The following ARID5B variants were observed in gnomAD, a reference collection of about 807,000 sequenced individuals.
ARID5B encodes AT-rich interaction domain 5B, also known as AT-rich interactive domain-containing protein 5B.
In ARID5B, 13 loss-of-function variants were observed where a neutral mutation model predicts 97.2. The ratio of observed to expected loss-of-function variants is 0.13; its 90% CI spans 0.09 to 0.21. The LOEUF is 0.21. Among genes scored for constraint, ARID5B ranks in the 10% least tolerant of loss-of-function variants. The pLI is 1.00. For missense variants in ARID5B, 1,210 were observed against 1,465.3 expected (o/e 0.83, Z 2.84); for synonymous variants, 556 against 570.3 (o/e 0.97, Z 0.36).
intron 4 of ARID5B, among the ~76,000 whole-genome samples, chr10:62,016,763 A>T (rs546262101): frequency 6.6e-6 from 1 of 152,278 alleles, no homozygotes; most frequent in African/African-American, 2.4e-5. Context: ...CTCTGATACT[A>T]TTTTCAACTC....
chr10:61,996,093 T>C (rs1589251167), intron 3 of ARID5B, among the ~76,000 whole-genome samples: 1 of 152,144 alleles, frequency 6.6e-6, no homozygotes, highest in Non-Finnish European at 1.5e-5. Flanking sequence ...TGGCAACACA[T>C]AGAGTTGGGA....
rs1275497609 is a variant in ARID5B at position 62,000,092 on chromosome 10, GGAGGAC to G, written c.510_515del (p.Asp170_Glu171del). On this transcript the variant is annotated inframe_deletion and splice_region_variant, in exon 4 of 10. Transcript: ENST00000279873. This position sits in a 1 kb window ranked among gnomAD's most constrained non-coding sequence, Gnocchi z 4.4. ...GGAAGTGTTTTCTCGTTTGTCTAGG[GGAGGAC>G]GAGGAAGAAACGAACGTGATAGTTC... 1.9e-6 allele frequency: 3 copies of G among 1,613,864 alleles called. No individual in the cohort carries two copies. The highest frequency in any genetic ancestry group is 2.5e-6 in the Non-Finnish European group (3 of 1,179,806).
chr10:62,004,301 G>C (rs1339201201), intron 4 of ARID5B, among the ~76,000 whole-genome samples: 1 of 152,120 alleles, frequency 6.6e-6, no homozygotes, highest in South Asian at 2.1e-4. Flanking sequence ...CTTCAGTCTC[G>C]ACATTCTGCT....
chr10:61,992,045 A>G (rs1305886565), intron 3 of ARID5B, among the ~76,000 whole-genome samples: 2 of 152,080 alleles, frequency 1.3e-5, no homozygotes, highest in Non-Finnish European at 2.9e-5. Flanking sequence ...AAAAAAAAAA[A>G]GTGAATGGCT....
chr10:61,956,177 T>C (rs559593107), intron 3 of ARID5B, among the ~76,000 whole-genome samples: 38 of 152,254 alleles, frequency 2.5e-4, no homozygotes, highest in East Asian at 7.7e-4. Context: ...AGAAAGTGAG[T>C]AGCCTGCCTG....
At chr10:61,927,992 C>A (rs958581230) in intron 2 of ARID5B, among the ~76,000 whole-genome samples, 1 of 152,114 alleles carries the variant, frequency 6.6e-6, no homozygotes, top group Non-Finnish European at 1.5e-5. Flanking sequence ...GTGGGGTTTA[C>A]TCATAGAGGT....
At chr10:61,943,396 T>C (rs1044507633) in intron 3 of ARID5B, among the ~76,000 whole-genome samples, 1 of 152,182 alleles carries the variant, frequency 6.6e-6, no homozygotes, top group African/African-American at 2.4e-5. Flanking sequence ...TATTAGGTTT[T>C]TCCTTCTGTA....
chr10:62,071,236 A>T (rs921471839), intron 8 of ARID5B, among the ~76,000 whole-genome samples: 3 of 151,962 alleles, frequency 2.0e-5, no homozygotes, highest in Non-Finnish European at 2.9e-5. Flanking sequence ...GGGTTTCACC[A>T]TGTTGGCCAG....
intron 5 of ARID5B, among the ~76,000 whole-genome samples, chr10:62,052,293 C>T (rs1454484855): frequency 6.6e-6 from 1 of 152,230 alleles, no homozygotes; most frequent in Non-Finnish European, 1.5e-5. Context: ...AGCCCTAGAA[C>T]TATCTACCTA....
At chr10:62,057,004 C>T (rs1839864866) in intron 5 of ARID5B, 113 bp from the exon 6 acceptor site, 11 of 928,684 alleles carry the variant, frequency 1.2e-5, no homozygotes, top group Admixed American at 2.8e-5. Flanking sequence ...GATAATTTAC[C>T]GGTTCACCCT....
chr10:62,085,918 A>G lies in ARID5B; in HGVS notation c.1398+18A>G. The stretch of plus-strand genomic sequence containing the variant: ...CAGCAGAGGTGAGTTGCTTTGCTCC[A>G]TAGAAATACCTCTGGAAGACATGTG... On this transcript the variant is annotated intron_variant, in intron 9 of 9. Coordinates refer to ENST00000279873, the MANE Select transcript of ARID5B (RefSeq NM_032199.3). 2 of 1,603,958 alleles carry G rather than the reference A, an allele frequency of 1.2e-6. No individual in the cohort carries two copies. Among genetic ancestry groups the G allele is most frequent in the East Asian group, 2.2e-5 (1 of 44,856 alleles).
chr10:62,027,565 G>A (rs1162133967), intron 4 of ARID5B, among the ~76,000 whole-genome samples: 3 of 151,388 alleles, frequency 2.0e-5, no homozygotes, highest in Non-Finnish European at 2.9e-5. Flanking sequence ...TGCCCACTTC[G>A]GCCTCCCAAA....
intron 3 of ARID5B, among the ~76,000 whole-genome samples, chr10:61,954,311 T>C (rs992314857): frequency 4.0e-5 from 6 of 151,494 alleles, no homozygotes; most frequent in African/African-American, 1.5e-4. Flanking sequence ...GAGCCAAGAT[T>C]GCGCCATTGC....
At chr10:61,963,326 TA>T (rs1377658238) in intron 3 of ARID5B, among the ~76,000 whole-genome samples, 2 of 152,130 alleles carry the variant, frequency 1.3e-5, no homozygotes, top group Non-Finnish European at 2.9e-5. Context: ...TTTTAGATTC[TA>T]AAAAGGAAAA....
chr10:62,049,768 G>A lies in ARID5B; in HGVS notation c.734-1120G>A, dbSNP rs10740059. Reference sequence around the variant, plus strand: ...TAATTGTGTTTGTAAAATGAGTACAGTGTAAAAATGTCCTAAAACCACTGG... The same window carrying A: ...TAATTGTGTTTGTAAAATGAGTACAATGTAAAAATGTCCTAAAACCACTGG... On this transcript the variant is annotated intron_variant, in intron 4 of 9. Transcript: ENST00000279873. 0.49 allele frequency among the ~76,000 whole-genome samples: 74,373 copies of A among 151,968 alleles called. 18,741 individuals carry two copies. Among genetic ancestry groups the A allele is most frequent in the African/African-American group, 0.6 (24,823 of 41,410 alleles).
At chr10:62,037,481 C>T (rs996547131) in intron 4 of ARID5B, among the ~76,000 whole-genome samples, 1 of 152,204 alleles carries the variant, frequency 6.6e-6, no homozygotes, top group African/African-American at 2.4e-5. Context: ...CCTTGCTCCA[C>T]AGAAATACTT....
At chr10:61,972,651 A>C (rs1000285131) in intron 3 of ARID5B, among the ~76,000 whole-genome samples, 2 of 152,152 alleles carry the variant, frequency 1.3e-5, no homozygotes, top group Admixed American at 1.3e-4. Context: ...TTATCTGACT[A>C]TCCCCCTATT....
intron 4 of ARID5B, among the ~76,000 whole-genome samples, chr10:62,032,443 G>A (rs1839508727): frequency 6.6e-6 from 1 of 152,228 alleles, no homozygotes; most frequent in Non-Finnish European, 1.5e-5. Flanking sequence ...TTTAGGCCGG[G>A]TGTGGTGAGT....
In ARID5B at chr10:62,094,527, A is replaced by C. The variant is rs1840436980; in HGVS notation, c.*1497A>C. On this transcript the variant is annotated 3_prime_UTR_variant, in exon 10 of 10. Transcript: ENST00000279873. ...GTCATGTTTTTAACCACCTGGCAAT[A>C]CAGTCCACTTTCTGGTTTCTTTTAT... 1 of 231,776 alleles carries C rather than the reference A, an allele frequency of 4.3e-6. No individual in the cohort carries two copies. The highest frequency in any genetic ancestry group is 6.1e-5 in the East Asian group (1 of 16,410). 14.4% of individuals were successfully genotyped at this position (231,776 alleles called of 1,614,324 possible). A position where few individuals can be genotyped will look rare whatever the true frequency, so the allele number is the denominator to read the frequency against.
Sources: allele counts gnomAD v4.1 joint callset (sites outside exome capture counted in the v4.1 genomes callset), GRCh38; gene constraint gnomAD v4.1.1; non-coding constraint Gnocchi (gnomAD v3.1); transcripts MANE v1.5; gene names NCBI Gene and HGNC (gene_info 2026-07-23, HGNC 2026-07-21).